PLEKHG1: variants seen among roughly 807,000 people sequenced by gnomAD.
The protein encoded by PLEKHG1 is pleckstrin homology domain-containing family G member 1.
In PLEKHG1, 44 loss-of-function variants were observed where a neutral mutation model predicts 100.8. That is an observed-to-expected ratio of 0.44 (90% CI 0.34 to 0.56). The LOEUF (loss-of-function observed/expected upper bound fraction) is 0.56. Ranked by LOEUF, PLEKHG1 falls within the 20% of genes least tolerant of loss-of-function variation. The pLI is 0.01. For missense variants in PLEKHG1, 1,545 were observed against 1,720.9 expected (o/e 0.90, Z 1.81); for synonymous variants, 640 against 662.5 (o/e 0.97, Z 0.52).
intron 3 of PLEKHG1, among the ~76,000 whole-genome samples, chr6:150,711,613 A>G (rs958106301): frequency 4.6e-5 from 7 of 152,164 alleles, no homozygotes; most frequent in African/African-American, 1.7e-4. Flanking sequence ...GCCCCAGAGT[A>G]TCTTTGCAAT....
intron 14 of PLEKHG1, among the ~76,000 whole-genome samples, chr6:150,825,524 A>G (rs960670231): frequency 6.6e-6 from 1 of 152,216 alleles, no homozygotes; most frequent in African/African-American, 2.4e-5. Context: ...ATGAGCTGAG[A>G]TAGTGCCACT....
chr6:150,625,779 C>G (rs930091328), intron 1 of PLEKHG1: 1 of 152,206 alleles, frequency 6.6e-6, no homozygotes, highest in Non-Finnish European at 1.5e-5. Flanking sequence ...CAGGCATGAG[C>G]CATCATGCCC....
At chr6:150,751,994 G>A (rs2128629532) in intron 2 of PLEKHG1, among the ~76,000 whole-genome samples, 1 of 152,212 alleles carries the variant, frequency 6.6e-6, no homozygotes, top group East Asian at 1.9e-4. Context: ...TTCGAGACTA[G>A]CCCAGCCGAC....
chr6:150,651,644 C>T (rs993246781), intron 3 of PLEKHG1, among the ~76,000 whole-genome samples: 3 of 151,680 alleles, frequency 2.0e-5, no homozygotes, highest in East Asian at 2.0e-4. Flanking sequence ...AGATCACTTG[C>T]GATGAGGAGT....
At chr6:150,734,503 A>G (rs538862063) in intron 2 of PLEKHG1, among the ~76,000 whole-genome samples, 1 of 152,266 alleles carries the variant, frequency 6.6e-6, no homozygotes, top group South Asian at 2.1e-4. Flanking sequence ...GGCATCCGGG[A>G]GCTTCCAAAA....
chr6:150,827,503 C>G (rs910818305), intron 14 of PLEKHG1, among the ~76,000 whole-genome samples: 1 of 151,622 alleles, frequency 6.6e-6, no homozygotes, highest in Middle Eastern at 3.4e-3. Context: ...CTCGAACTCC[C>G]GACCTCAGGT....
At chr6:150,631,468 G>C (rs1031289980) in intron 1 of PLEKHG1, among the ~76,000 whole-genome samples, 2 of 152,212 alleles carry the variant, frequency 1.3e-5, no homozygotes, top group African/African-American at 4.8e-5. Context: ...TGAAAGCCCA[G>C]CATGACAGCC....
At chr6:150,693,533 G>T (rs1213946574) in intron 3 of PLEKHG1, among the ~76,000 whole-genome samples, 1 of 152,162 alleles carries the variant, frequency 6.6e-6, no homozygotes, top group South Asian at 2.1e-4. Context: ...CTGAGGTCCT[G>T]CATCAGTAAC....
chr6:150,840,743 C>T (rs370993597), exon 16 of PLEKHG1: 1 of 1,614,180 alleles, frequency 6.2e-7, no homozygotes, highest in South Asian at 1.1e-5. Context: ...AGCCGGTTAA[C>T]AGCAAACTTG....
intron 1 of PLEKHG1, among the ~76,000 whole-genome samples, chr6:150,615,569 T>C (rs1216706851): frequency 6.6e-6 from 1 of 152,228 alleles, no homozygotes; most frequent in African/African-American, 2.4e-5. Context: ...TATATATTGA[T>C]TTAAATTCTC....
At chr6:150,797,872 A>G (rs1040599146) in intron 5 of PLEKHG1, among the ~76,000 whole-genome samples, 1 of 110,066 alleles carries the variant, frequency 9.1e-6, no homozygotes, top group African/African-American at 3.5e-5. Context: ...AAAAAAAAAG[A>G]CCCAAGAAGC....
intron 2 of PLEKHG1, among the ~76,000 whole-genome samples, chr6:150,639,298 A>G (rs1189134525): frequency 6.6e-6 from 1 of 152,206 alleles, no homozygotes; most frequent in Non-Finnish European, 1.5e-5. Flanking sequence ...AAAATGCTAT[A>G]TATTTCTCTA....
chr6:150,790,144 C>A (rs1022765802), intron 4 of PLEKHG1, among the ~76,000 whole-genome samples: 8 of 152,168 alleles, frequency 5.3e-5, no homozygotes, highest in Non-Finnish European at 8.8e-5. Flanking sequence ...CCTCCGCCCC[C>A]ACGAGTAGCT....
chr6:150,609,388 A>C (rs545677038), intron 1 of PLEKHG1, among the ~76,000 whole-genome samples: 1 of 152,324 alleles, frequency 6.6e-6, no homozygotes, highest in South Asian at 2.1e-4. Flanking sequence ...AATCATAAGG[A>C]GTGATCTTGA....
intron 2 of PLEKHG1, among the ~76,000 whole-genome samples, chr6:150,748,366 C>T (rs543243083): frequency 2.4e-4 from 36 of 152,144 alleles, no homozygotes; most frequent in Non-Finnish European, 5.0e-4. Context: ...CTGGAAATAA[C>T]TCAGTTAAAT....
intron 3 of PLEKHG1, among the ~76,000 whole-genome samples, chr6:150,779,512 A>G (rs776369527): frequency 4.6e-5 from 7 of 151,672 alleles, no homozygotes; most frequent in Non-Finnish European, 8.8e-5. Flanking sequence ...CACTCAGCTA[A>G]TTTATGTATT....
intron 1 of PLEKHG1, among the ~76,000 whole-genome samples, chr6:150,611,743 C>T (rs1278130439): frequency 1.4e-5 from 2 of 147,026 alleles, no homozygotes; most frequent in East Asian, 4.0e-4. Context: ...ACTCGGTAGG[C>T]GGAGGTTGCA....
At chr6:150,827,999 C>T (rs1473241512) in intron 14 of PLEKHG1, 1 of 1,612,968 alleles carries the variant, frequency 6.2e-7, no homozygotes, top group Non-Finnish European at 8.5e-7. Flanking sequence ...CTGGCGAGGG[C>T]TTGTGGGTCA....
At chr6:150,746,830 G>A (rs1423198954) in intron 2 of PLEKHG1, among the ~76,000 whole-genome samples, 1 of 152,212 alleles carries the variant, frequency 6.6e-6, no homozygotes, top group Non-Finnish European at 1.5e-5. Context: ...CAGTGTAATG[G>A]GAGGGAAGTA....
Sources: gnomAD v4.1 joint callset for allele counts (sites outside exome capture counted in the v4.1 genomes callset) on GRCh38, gnomAD v4.1.1 for gene constraint, MANE v1.5 for transcripts, NCBI Gene and HGNC (gene_info 2026-07-23, HGNC 2026-07-21) for gene names.